Variants in GPR158 observed in about 807,000 individuals in gnomAD.
GPR158 encodes G protein-coupled receptor 158.
Under a neutral mutation model 78.2 loss-of-function variants are expected in GPR158, and 30 were observed. The observed-to-expected ratio is 0.38, with a 90% CI of 0.29 to 0.52. GPR158 has a LOEUF of 0.52. Ranked by LOEUF, GPR158 falls within the 20% of genes least tolerant of loss-of-function variation. The probability of loss-of-function intolerance (pLI) is 0.83; values close to 1 mark genes in which losing one functional copy is unlikely to be tolerated. For missense variants in GPR158, 1,463 were observed against 1,523.5 expected, an observed-to-expected ratio of 0.96 and a Z score of 0.66; for synonymous variants, 581 against 591.1, an observed-to-expected ratio of 0.98 and a Z score of 0.25.
chr10:25,515,116 T>C (rs1485621689), intron 5 of GPR158, among the ~76,000 whole-genome samples: 1 of 152,028 alleles, frequency 6.6e-6, no homozygotes, highest in Admixed American at 6.6e-5. Context: ...TTTTCCAAAC[T>C]TTTCTTCCTT....
intron 5 of GPR158, among the ~76,000 whole-genome samples, chr10:25,478,490 ATGCGTGTG>A (rs1471026559): frequency 7.2e-6 from 1 of 138,032 alleles, no homozygotes; most frequent in Non-Finnish European, 1.5e-5. Flanking sequence ...GAAATATATA[ATGCGTGTG>A]TGTGTGTGTG....
In GPR158 at chr10:25,319,426, A is replaced by T. The variant is rs535551967; in HGVS notation, c.1009-76485A>T. ...GTTAATCTAACACAATGTCTTCTAC[A>T]TAATGGGTATTCCATAGGATTTGTT... On this transcript the variant is annotated intron_variant, in intron 2 of 10. Coordinates refer to ENST00000376351, the MANE Select transcript of GPR158 (RefSeq NM_020752.3). Among the ~76,000 whole-genome samples the T allele has an allele frequency of 2.6e-5, 4 of 152,310 alleles. No homozygotes were observed. In the East Asian group the frequency reaches 7.7e-4, roughly 29 times the overall value.
chr10:25,246,641 G>A (rs1257237767), intron 2 of GPR158, among the ~76,000 whole-genome samples: 1 of 152,160 alleles, frequency 6.6e-6, no homozygotes, highest in Non-Finnish European at 1.5e-5. Flanking sequence ...GGGATAGGAA[G>A]CATATATGGA....
chr10:25,437,619 CATTTGCAGTAAAT>C (rs1482889337), intron 4 of GPR158, among the ~76,000 whole-genome samples: 2 of 152,158 alleles, frequency 1.3e-5, no homozygotes, highest in South Asian at 2.1e-4. Context: ...GCCCTAACAC[CATTTGCAGTAAAT>C]TCCAGATGGA....
chr10:25,476,597 A>G (rs1464271310), intron 5 of GPR158, among the ~76,000 whole-genome samples: 2 of 152,146 alleles, frequency 1.3e-5, no homozygotes, highest in Admixed American at 1.3e-4. Flanking sequence ...TATTTTGTAA[A>G]TGCAAGAAGA....
chr10:25,423,803 G>T (rs899537559), intron 4 of GPR158, among the ~76,000 whole-genome samples: 1 of 152,150 alleles, frequency 6.6e-6, no homozygotes, highest in African/African-American at 2.4e-5. Flanking sequence ...ATTTGGGTTG[G>T]TTCCAAGTCT....
intron 2 of GPR158, among the ~76,000 whole-genome samples, chr10:25,252,510 G>T (rs930797110): frequency 7.9e-5 from 12 of 151,040 alleles, no homozygotes; most frequent in Non-Finnish European, 1.8e-4. Flanking sequence ...TGTCCTTTCT[G>T]TTTGTTAGTT....
At chr10:25,491,585 C>A (rs1329257) in intron 5 of GPR158, among the ~76,000 whole-genome samples, 70,375 of 151,826 alleles carry the variant, frequency 0.46, 17,564 homozygotes, top group East Asian at 0.79. Flanking sequence ...CATTTATCAC[C>A]CTAAAAGTCC....
At chr10:25,330,763 G>GA (rs898522096) in intron 2 of GPR158, among the ~76,000 whole-genome samples, 16 of 151,762 alleles carry the variant, frequency 1.1e-4, no homozygotes, top group Non-Finnish European at 1.8e-4. Context: ...GAGGATTTTA[G>GA]AAAAAAACAC....
At chr10:25,364,311 AG>A (rs1196991518) in intron 2 of GPR158, among the ~76,000 whole-genome samples, 5 of 151,888 alleles carry the variant, frequency 3.3e-5, no homozygotes, top group Non-Finnish European at 7.4e-5. Flanking sequence ...TGTCATGACC[AG>A]GGGCCTTAGA....
At chr10:25,375,368 T>C (rs1834063127) in intron 2 of GPR158, among the ~76,000 whole-genome samples, 1 of 151,646 alleles carries the variant, frequency 6.6e-6, no homozygotes, top group Admixed American at 6.6e-5. Context: ...GATTTTAATT[T>C]TGATGAAGTC....
In GPR158 at chr10:25,434,636, A is replaced by G. The variant is rs185920702; in HGVS notation, c.1335+22163A>G. Among the ~76,000 whole-genome samples the G allele has an allele frequency of 5.7e-3, 873 of 152,326 alleles. 6 individuals are homozygous for G. Among genetic ancestry groups the G allele is most frequent in the African/African-American group, 0.02 (844 of 41,574 alleles). Reference sequence around the variant, plus strand: ...CTTGTTTGCCCACGAGAAGCTCACAATCTAATGGAGAAAGGAATATAAGGA... The same window carrying G: ...CTTGTTTGCCCACGAGAAGCTCACAGTCTAATGGAGAAAGGAATATAAGGA... On this transcript the variant is annotated intron_variant, in intron 4 of 10. Transcript: ENST00000376351.
chr10:25,386,111 A>G (rs1383655195), intron 2 of GPR158, among the ~76,000 whole-genome samples: 1 of 152,130 alleles, frequency 6.6e-6, no homozygotes, highest in African/African-American at 2.4e-5. Flanking sequence ...TAAGTCTTAA[A>G]TCATATTGAT....
intron 2 of GPR158, among the ~76,000 whole-genome samples, chr10:25,379,515 C>T (rs1834126108): frequency 6.6e-6 from 1 of 152,102 alleles, no homozygotes; most frequent in Non-Finnish European, 1.5e-5. Flanking sequence ...CATACAGGGT[C>T]CTAAATTCCG....
intron 4 of GPR158, among the ~76,000 whole-genome samples, chr10:25,431,078 C>T (rs1834896917): frequency 1.4e-5 from 2 of 141,606 alleles, no homozygotes; most frequent in African/African-American, 5.3e-5. Context: ...AACAGGCAAC[C>T]TACTAAATGG....
chr10:25,369,545 T>G (rs1243135582), intron 2 of GPR158, among the ~76,000 whole-genome samples: 1 of 149,172 alleles, frequency 6.7e-6, no homozygotes, highest in African/African-American at 2.5e-5. Context: ...ATAAGCTTTT[T>G]GATGTGCTGC....
intron 5 of GPR158, among the ~76,000 whole-genome samples, chr10:25,549,891 A>T (rs1224555416): frequency 6.6e-6 from 1 of 152,130 alleles, no homozygotes; most frequent in Non-Finnish European, 1.5e-5. Context: ...AAACAAAATC[A>T]TACTCAGGGT....
intron 6 of GPR158, among the ~76,000 whole-genome samples, chr10:25,562,422 A>G (rs1277233509): frequency 6.6e-6 from 1 of 152,196 alleles, no homozygotes; most frequent in Middle Eastern, 3.2e-3. Flanking sequence ...AAACATTTGC[A>G]GTTATAAATT....
chr10:25,336,579 C>T lies in GPR158; in HGVS notation c.1009-59332C>T, dbSNP rs927902871. Among the ~76,000 whole-genome samples, 9 of 152,034 alleles carry T rather than the reference C, an allele frequency of 5.9e-5. 1 individual carries two copies. Among genetic ancestry groups the T allele is most frequent in the Admixed American group, 3.9e-4 (6 of 15,224 alleles). ...TTGGTTTAACCAAGGGCATGTTATA[C>T]AGCTCTAACTAATGAGACCTGAGGG... On this transcript the variant is annotated intron_variant, in intron 2 of 10. Transcript: ENST00000376351.
Sources: allele counts gnomAD v4.1 joint callset (sites outside exome capture counted in the v4.1 genomes callset), GRCh38; gene constraint gnomAD v4.1.1; transcripts MANE v1.5; gene names NCBI Gene and HGNC (gene_info 2026-07-23, HGNC 2026-07-21).